Variants in RANBP2 observed in about 807,000 individuals in gnomAD.
RANBP2 encodes the protein RAN binding protein 2.
A neutral mutation model predicts 303.6 loss-of-function variants in RANBP2; 57 were observed. The ratio of observed to expected loss-of-function variants is 0.19; its 90% CI spans 0.15 to 0.23. The LOEUF (loss-of-function observed/expected upper bound fraction) is 0.23, where lower values mean the gene tolerates loss of function less well. RANBP2 is among the 10% of genes least tolerant of loss of function. The probability of loss-of-function intolerance (pLI) is 1.00; values close to 1 mark genes in which losing one functional copy is unlikely to be tolerated. For missense variants in RANBP2, 3,138 were observed against 3,780.8 expected, an observed-to-expected ratio of 0.83 and a Z score of 4.46; for synonymous variants, 1,167 against 1,301.5, an observed-to-expected ratio of 0.90 and a Z score of 2.23.
At chr2:109,008,093 C>T in the RANBP2 span, among the ~76,000 whole-genome samples, 1 of 152,216 alleles carries the variant, frequency 6.6e-6, no homozygotes, top group Non-Finnish European at 1.5e-5. Flanking sequence ...ACTGGCCCCA[C>T]ACTGACACAC....
chr2:109,613,867 C>A, the RANBP2 span: 5 of 1,230,502 alleles, frequency 4.1e-6, no homozygotes, highest in African/African-American at 6.2e-5. Context: ...TGTATCAGCC[C>A]GGCCCCGAGC....
chr2:109,725,520 C>T, the RANBP2 span, among the ~76,000 whole-genome samples: 2 of 152,172 alleles, frequency 1.3e-5, no homozygotes, highest in African/African-American at 4.8e-5. Flanking sequence ...TTTCTTGCTG[C>T]TCTCATGCCA....
At chr2:109,443,193 ATTTT>A in the RANBP2 span, among the ~76,000 whole-genome samples, 1 of 152,364 alleles carries the variant, frequency 6.6e-6, no homozygotes, top group African/African-American at 2.4e-5. Context: ...AGTAGATTCT[ATTTT>A]ATTTATTTGA....
At chr2:109,360,128 T>A in the RANBP2 span, among the ~76,000 whole-genome samples, 7 of 152,108 alleles carry the variant, frequency 4.6e-5, no homozygotes, top group Non-Finnish European at 1.0e-4. Flanking sequence ...AGGTAGAGAC[T>A]GAAAGCCTGC....
the RANBP2 span, among the ~76,000 whole-genome samples, chr2:109,225,762 G>T: frequency 1.3e-5 from 2 of 152,326 alleles, no homozygotes; most frequent in South Asian, 4.1e-4. Context: ...TTTCAAGTTT[G>T]CTTTCTTTCG....
chr2:109,252,253 A>AG, the RANBP2 span, among the ~76,000 whole-genome samples: 6 of 69,122 alleles, frequency 8.7e-5, no homozygotes, highest in Admixed American at 4.8e-4. Context: ...GTCTCAGAGG[A>AG]GAAAAAAAAA....
At chr2:108,735,326 G>A (rs1218568839) in intron 4 of RANBP2, among the ~76,000 whole-genome samples, 1 of 152,158 alleles carries the variant, frequency 6.6e-6, no homozygotes, top group Non-Finnish European at 1.5e-5. Context: ...AGTAATCACA[G>A]ATGCTTTTCT....
At chr2:108,840,688 A>C in the RANBP2 span, among the ~76,000 whole-genome samples, 2 of 151,996 alleles carry the variant, frequency 1.3e-5, no homozygotes, top group Non-Finnish European at 2.9e-5. Flanking sequence ...CTTGATATGG[A>C]TAATTTGTGT....
the RANBP2 span, among the ~76,000 whole-genome samples, chr2:109,080,315 G>A: frequency 3.2e-4 from 48 of 152,246 alleles, no homozygotes; most frequent in African/African-American, 1.1e-3. Context: ...GGGAAGTGGC[G>A]GCAGCAGGGG....
the RANBP2 span, among the ~76,000 whole-genome samples, chr2:109,463,319 A>G: frequency 6.6e-6 from 1 of 152,186 alleles, no homozygotes; most frequent in Non-Finnish European, 1.5e-5. Flanking sequence ...GTCTCACGGT[A>G]TTACCACCTG....
chr2:108,980,738 G>A, the RANBP2 span, among the ~76,000 whole-genome samples: 2 of 152,136 alleles, frequency 1.3e-5, no homozygotes, highest in South Asian at 4.2e-4. Context: ...GTTTTGGGCA[G>A]AGGGAACAAA....
At chr2:109,329,310 AAC>A in the RANBP2 span, among the ~76,000 whole-genome samples, 1 of 152,194 alleles carries the variant, frequency 6.6e-6, no homozygotes, top group African/African-American at 2.4e-5. Context: ...TGTGGAAAAA[AAC>A]ACAACTCATG....
At chr2:109,231,175 G>A in the RANBP2 span, among the ~76,000 whole-genome samples, 1 of 152,240 alleles carries the variant, frequency 6.6e-6, no homozygotes, top group Non-Finnish European at 1.5e-5. Flanking sequence ...GGCCAGAGCG[G>A]CTTTGCCGAA....
At chr2:108,794,851 G>A in the RANBP2 span, 2 of 693,540 alleles carry the variant, frequency 2.9e-6, no homozygotes, top group Admixed American at 3.1e-5. Flanking sequence ...AGGACGGAAG[G>A]GGACAAACTC....
chr2:108,778,051 T>C (rs1457742978), intron 25 of RANBP2, among the ~76,000 whole-genome samples: 1 of 152,304 alleles, frequency 6.6e-6, no homozygotes, highest in East Asian at 1.9e-4. Flanking sequence ...ATGTCGTTTA[T>C]TTTTAATTTA....
chr2:109,709,275 C>T, the RANBP2 span, among the ~76,000 whole-genome samples: 1 of 143,812 alleles, frequency 7.0e-6, no homozygotes, highest in Non-Finnish European at 1.5e-5. Flanking sequence ...CATTGCGCTC[C>T]AGCCTGGGCA....
the RANBP2 span, among the ~76,000 whole-genome samples, chr2:109,551,954 C>T: frequency 2.0e-5 from 3 of 152,190 alleles, no homozygotes; most frequent in African/African-American, 4.8e-5. Flanking sequence ...ATCCCCAGGC[C>T]GCGGACCAGT....
the RANBP2 span, among the ~76,000 whole-genome samples, chr2:109,136,977 A>G: frequency 6.6e-6 from 1 of 152,198 alleles, no homozygotes; most frequent in Admixed American, 6.5e-5. Context: ...CTCTGGCTTC[A>G]CTGCACAGAT....
the RANBP2 span, among the ~76,000 whole-genome samples, chr2:109,638,409 A>G: frequency 6.6e-6 from 1 of 152,200 alleles, no homozygotes; most frequent in East Asian, 1.9e-4. Flanking sequence ...GAGCAAGCTC[A>G]GGTTCCAAAT....
Sources: gnomAD v4.1 joint callset for allele counts (sites outside exome capture counted in the v4.1 genomes callset) on GRCh38, gnomAD v4.1.1 for gene constraint, MANE v1.5 for transcripts, NCBI Gene and HGNC (gene_info 2026-07-23, HGNC 2026-07-21) for gene names.